The following CSMD1 variants were observed in gnomAD, a reference collection of about 807,000 sequenced individuals.
The protein encoded by CSMD1 is CUB and Sushi multiple domains 1.
In CSMD1, 213 loss-of-function variants were observed where a neutral mutation model predicts 417.5. The observed-to-expected ratio is 0.51, with a 90% CI of 0.46 to 0.57. CSMD1 has a LOEUF of 0.57. CSMD1 is among the 20% of genes least tolerant of loss of function. The probability of loss-of-function intolerance (pLI) is 0.00; values close to 1 mark genes in which losing one functional copy is unlikely to be tolerated. For missense variants in CSMD1, 6,923 were observed against 4,529.7 expected (o/e 1.53, Z -15.17); for synonymous variants, 2,862 against 1,736.8 (o/e 1.65, Z -16.11).
At chr8:4,729,309 A>G (rs1585009465) in intron 1 of CSMD1, among the ~76,000 whole-genome samples, 2 of 152,226 alleles carry the variant, frequency 1.3e-5, no homozygotes, top group East Asian at 3.8e-4. Flanking sequence ...TCGATGATCC[A>G]CACAAAGGTG....
chr8:4,373,436 T>C (rs535153199), intron 3 of CSMD1, among the ~76,000 whole-genome samples: 4 of 152,310 alleles, frequency 2.6e-5, no homozygotes, highest in Non-Finnish European at 4.4e-5. Context: ...TGTGGAGTAT[T>C]TGAAAACACT....
chr8:4,144,880 T>C (rs918156117), intron 3 of CSMD1, among the ~76,000 whole-genome samples: 1 of 150,860 alleles, frequency 6.6e-6, no homozygotes, highest in Non-Finnish European at 1.5e-5. Context: ...GAAGCTGAAA[T>C]AGAACTAAAA....
chr8:4,456,111 TAAG>T (rs1212664251), intron 2 of CSMD1, among the ~76,000 whole-genome samples: 2 of 130,396 alleles, frequency 1.5e-5, no homozygotes, highest in Non-Finnish European at 3.3e-5. Context: ...ACACTTAAAA[TAAG>T]AAGGACATTA....
intron 3 of CSMD1, among the ~76,000 whole-genome samples, chr8:4,258,773 G>C (rs1412474222): frequency 2.0e-5 from 3 of 152,056 alleles, no homozygotes; most frequent in African/African-American, 4.8e-5. Context: ...CATTTAGAAT[G>C]TGTAACCAGC....
At position 2,978,759 on chromosome 8, in the gene CSMD1, G is replaced by C. The variant is rs267601889; in HGVS notation, c.8419C>G (p.Arg2807Gly). The C allele has an allele frequency of 3.1e-6, 5 of 1,613,268 alleles. No homozygotes were observed. Among genetic ancestry groups the C allele is most frequent in the African/African-American group, 1.3e-5 (1 of 74,888 alleles). ...SDPGFVENAI[R>G]HGQQNFPESF... Reference sequence around the variant, plus strand: ...TCAGGGAAGTTCTGTTGCCCGTGACGAATGGCATTTTCCACAAAGCCTGGA... The same window carrying C: ...TCAGGGAAGTTCTGTTGCCCGTGACCAATGGCATTTTCCACAAAGCCTGGA... Residue 2807 changes from arginine to glycine, a missense_variant, in exon 55 of 70, where the codon CGT becomes GGT. Arg to Gly is a moderately radical substitution (Grantham distance 125). Transcript: ENST00000635120.
At chr8:4,057,299 T>C (rs992875786) in intron 3 of CSMD1, among the ~76,000 whole-genome samples, 1 of 152,210 alleles carries the variant, frequency 6.6e-6, no homozygotes, top group Non-Finnish European at 1.5e-5. Context: ...GTGAGCATTT[T>C]TTCATGTGCT....
At chr8:4,029,237 A>C (rs1379843080) in intron 4 of CSMD1, among the ~76,000 whole-genome samples, 1 of 152,254 alleles carries the variant, frequency 6.6e-6, no homozygotes, top group Non-Finnish European at 1.5e-5. Context: ...GAAGACTGAA[A>C]AACAGGATGA....
At chr8:4,634,728 T>G (rs1802724070) in intron 2 of CSMD1, among the ~76,000 whole-genome samples, 1 of 152,200 alleles carries the variant, frequency 6.6e-6, no homozygotes, top group Admixed American at 6.5e-5. Flanking sequence ...CTTTCCCGAT[T>G]AATTAGAATT....
At chr8:3,787,948 C>T (rs1023540166) in intron 5 of CSMD1, among the ~76,000 whole-genome samples, 4 of 152,124 alleles carry the variant, frequency 2.6e-5, no homozygotes, top group Non-Finnish European at 5.9e-5. Flanking sequence ...GGCAGAAATC[C>T]TTGCATGGGC....
intron 3 of CSMD1, among the ~76,000 whole-genome samples, chr8:4,071,452 A>G (rs2130780570): frequency 6.6e-6 from 1 of 152,226 alleles, no homozygotes; most frequent in South Asian, 2.1e-4. Flanking sequence ...TCATTTTATA[A>G]CGCCTATTTT....
chr8:3,687,620 T>G (rs2623607), intron 7 of CSMD1, among the ~76,000 whole-genome samples: 28,595 of 152,112 alleles, frequency 0.19, 3,215 homozygotes, highest in African/African-American at 0.32. Context: ...TTCAGTGGGT[T>G]CCGAGCACTG....
intron 41 of CSMD1, among the ~76,000 whole-genome samples, chr8:3,136,895 T>A (rs771076837): frequency 1.2e-4 from 18 of 148,832 alleles, no homozygotes; most frequent in Admixed American, 6.7e-4. Context: ...TTGGCTAAAT[T>A]TTTTTAAAAA....
At chr8:4,241,063 G>C (rs185476570) in intron 3 of CSMD1, among the ~76,000 whole-genome samples, 1 of 152,194 alleles carries the variant, frequency 6.6e-6, no homozygotes, top group Admixed American at 6.5e-5. Flanking sequence ...TACCCCTATG[G>C]ATTTGATCGC....
At chr8:3,094,964 C>G (rs1337941116) in intron 47 of CSMD1, among the ~76,000 whole-genome samples, 6 of 152,134 alleles carry the variant, frequency 3.9e-5, no homozygotes, top group Admixed American at 3.9e-4. Context: ...TCACTGATTT[C>G]TGATAATTTT....
chr8:3,423,870 G>A (rs574726380), intron 12 of CSMD1, among the ~76,000 whole-genome samples: 6 of 152,088 alleles, frequency 3.9e-5, no homozygotes, highest in African/African-American at 9.7e-5. Flanking sequence ...CCAGTCCTAC[G>A]GCACGAGCTG....
intron 40 of CSMD1, among the ~76,000 whole-genome samples, chr8:3,148,371 C>G (rs150330136): frequency 3.3e-5 from 5 of 152,044 alleles, no homozygotes; most frequent in Non-Finnish European, 7.3e-5. Context: ...AGCTTGCTGA[C>G]AAGAATAAGG....
intron 11 of CSMD1, among the ~76,000 whole-genome samples, chr8:3,487,449 C>A (rs1393195357): frequency 1.3e-5 from 2 of 152,200 alleles, no homozygotes; most frequent in African/African-American, 2.4e-5. Flanking sequence ...GATCTGCCCG[C>A]CTCGGCCTCC....
At chr8:3,619,529 T>A (rs797018107) in intron 7 of CSMD1, among the ~76,000 whole-genome samples, 3 of 152,112 alleles carry the variant, frequency 2.0e-5, no homozygotes, top group East Asian at 3.9e-4. Context: ...ATTATAGATA[T>A]GAATTTAAAT....
chr8:4,427,566 G>A (rs925062396), intron 2 of CSMD1, among the ~76,000 whole-genome samples: 2 of 151,890 alleles, frequency 1.3e-5, no homozygotes, highest in African/African-American at 4.8e-5. Flanking sequence ...CATCTTACCA[G>A]ATTAAAATGT....
Sources: gnomAD v4.1 joint callset for allele counts (sites outside exome capture counted in the v4.1 genomes callset) on GRCh38, gnomAD v4.1.1 for gene constraint, MANE v1.5 for transcripts, NCBI Gene and HGNC (gene_info 2026-07-23, HGNC 2026-07-21) for gene names.